Variants in VCL observed in about 807,000 individuals in gnomAD.
VCL encodes the protein vinculin, also known as epididymis luminal protein 114.
In VCL, 47 loss-of-function variants were observed where a neutral mutation model predicts 125.7. The observed-to-expected ratio is 0.37, with a 90% CI of 0.30 to 0.48. The LOEUF is 0.48. Ranked by LOEUF, VCL falls within the 20% of genes least tolerant of loss-of-function variation. VCL has a pLI of 0.99. For synonymous variants in VCL, 458 were observed against 514.6 expected (o/e 0.89, Z 1.49); for missense variants, 1,069 against 1,455.5 (o/e 0.73, Z 4.32).
At chr10:74,009,229 C>CT (rs1204993983) in intron 1 of VCL, among the ~76,000 whole-genome samples, 1 of 128,382 alleles carries the variant, frequency 7.8e-6, no homozygotes, top group African/African-American at 3.2e-5. Flanking sequence ...CCCCCCCCCC[C>CT]CGAGCCATTT....
chr10:74,110,642 T>C lies in VCL; in HGVS notation c.2746-1267T>C, dbSNP rs1201238568. On this transcript the variant is annotated intron_variant, in intron 18 of 21. Coordinates refer to ENST00000211998, the MANE Select transcript of VCL (RefSeq NM_014000.3). ...AGAGTTTAGATGGTATCTGAACCCC[T>C]TGTTGGCCCTGAATCCTCCAACATC... Among the ~76,000 whole-genome samples, 5 of 152,222 alleles carry C rather than the reference T, an allele frequency of 3.3e-5. No homozygotes were observed. In the East Asian group the frequency reaches 5.8e-4, roughly 18 times the overall value.
chr10:74,019,331 C>T (rs1482104209), intron 1 of VCL, among the ~76,000 whole-genome samples: 2 of 152,148 alleles, frequency 1.3e-5, no homozygotes, highest in Non-Finnish European at 2.9e-5. Flanking sequence ...TGGTTTGCTA[C>T]ACCTATCAAC....
At chr10:74,007,523 T>C (rs142124798) in intron 1 of VCL, among the ~76,000 whole-genome samples, 23 of 152,198 alleles carry the variant, frequency 1.5e-4, no homozygotes, top group African/African-American at 3.4e-4. Flanking sequence ...TGAGACGGAG[T>C]TTCGCTCTGT....
At chr10:74,025,427 A>G (rs1840752401) in intron 1 of VCL, among the ~76,000 whole-genome samples, 1 of 151,942 alleles carries the variant, frequency 6.6e-6, no homozygotes, top group Non-Finnish European at 1.5e-5. Flanking sequence ...CAGCCTAGGC[A>G]ACATGATGAA....
intron 2 of VCL, among the ~76,000 whole-genome samples, chr10:74,064,874 C>G (rs111578003): frequency 0.015 from 2,339 of 152,264 alleles, 29 homozygotes; most frequent in Non-Finnish European, 0.025. Context: ...ACCACATTTT[C>G]TACACAACTC....
chr10:74,046,086 G>A (rs1257455863), intron 2 of VCL, among the ~76,000 whole-genome samples: 1 of 152,120 alleles, frequency 6.6e-6, no homozygotes, highest in Non-Finnish European at 1.5e-5. Flanking sequence ...ATGTCTTCAT[G>A]TGTCAGGAAG....
chr10:74,110,059 A>G (rs1019361691), intron 18 of VCL, among the ~76,000 whole-genome samples: 24 of 152,056 alleles, frequency 1.6e-4, no homozygotes, highest in South Asian at 2.1e-4. Context: ...GGAAATTCAC[A>G]TTGGTTTTTA....
intron 1 of VCL, among the ~76,000 whole-genome samples, chr10:74,009,231 G>C (rs11593071): frequency 0.43 from 10,874 of 25,472 alleles, 1,280 homozygotes; most frequent in African/African-American, 0.48. Flanking sequence ...CCCCCCCCCC[G>C]AGCCATTTTA....
intron 1 of VCL, among the ~76,000 whole-genome samples, chr10:74,022,226 T>C (rs2136234298): frequency 6.6e-6 from 1 of 152,220 alleles, no homozygotes. Context: ...AAGATGAATA[T>C]TTTGAGACAC....
intron 2 of VCL, among the ~76,000 whole-genome samples, chr10:74,066,929 A>G (rs1226298705): frequency 6.6e-6 from 1 of 152,152 alleles, no homozygotes; most frequent in African/African-American, 2.4e-5. Flanking sequence ...TGGCCTCCCA[A>G]AGTGCTGGGA....
intron 1 of VCL, among the ~76,000 whole-genome samples, chr10:74,026,953 A>G (rs1840782174): frequency 6.6e-6 from 1 of 152,348 alleles, no homozygotes; most frequent in East Asian, 1.9e-4. Flanking sequence ...CATGGAGACA[A>G]TGTTACATGG....
intron 2 of VCL, among the ~76,000 whole-genome samples, chr10:74,055,530 ATT>A (rs969578047): frequency 7.0e-6 from 1 of 143,870 alleles, no homozygotes; most frequent in Non-Finnish European, 1.5e-5. Flanking sequence ...GAAAAAAAAA[ATT>A]TTTTTTTTTT....
intron 2 of VCL, among the ~76,000 whole-genome samples, chr10:74,044,865 A>G (rs765287161): frequency 3.3e-5 from 5 of 152,166 alleles, no homozygotes; most frequent in Admixed American, 6.5e-5. Flanking sequence ...TTTATGCTAT[A>G]TGAGTTTCAT....
intron 17 of VCL, among the ~76,000 whole-genome samples, chr10:74,108,630 C>T (rs1184164768): frequency 1.3e-5 from 2 of 152,166 alleles, no homozygotes; most frequent in African/African-American, 2.4e-5. Context: ...TAGGCACATG[C>T]CACCATGCCC....
At chr10:74,017,462 T>C (rs2136231048) in intron 1 of VCL, among the ~76,000 whole-genome samples, 1 of 152,330 alleles carries the variant, frequency 6.6e-6, no homozygotes, top group Admixed American at 6.5e-5. Flanking sequence ...TTGTGAATAA[T>C]GCTGCTATTT....
In VCL at chr10:74,083,395, A is replaced by G; in HGVS notation, c.904A>G (p.Ile302Val). The G allele has an allele frequency of 6.2e-7, 1 of 1,614,130 alleles. No homozygotes were observed. The highest frequency in any genetic ancestry group is 8.5e-7 in the Non-Finnish European group (1 of 1,179,984). The change falls in exon 8 of 22, where the codon ATC becomes GTC. Residue 302 changes from isoleucine (I) to valine (V), a missense_variant. Transcript: ENST00000211998. ...GDAGEQAIRQ[I>V]LDEAGKVGEL... The stretch of plus-strand genomic sequence containing the variant: ...TGCTGGTGAGCAGGCCATCAGACAG[A>G]TCTTAGATGAAGCTGGAAAAGTTGG...
intron 10 of VCL, 149 bp downstream of exon 10, chr10:74,090,347 T>G (rs1031342121): frequency 1.2e-6 from 1 of 850,626 alleles, no homozygotes; most frequent in African/African-American, 1.7e-5. Context: ...TCCACTATAT[T>G]CTCATTAATT....
rs1214510404 is a variant in VCL at position 74,118,669 on chromosome 10, C to T, written c.*500C>T. ...TTGCTGCCAACCATACCTTCCTTCC[C>T]TGGGCTGTGCTACCTGGGTCCTTTT... On this transcript the variant is annotated 3_prime_UTR_variant, in exon 22 of 22. Transcript: ENST00000211998. The T allele has an allele frequency of 4.4e-6, 1 of 228,884 alleles. No homozygotes were observed. Among genetic ancestry groups the T allele is most frequent in the Non-Finnish European group, 8.8e-6 (1 of 113,614 alleles). 14.2% of individuals were successfully genotyped at this position (228,884 alleles called of 1,614,324 possible).
At chr10:74,028,947 T>A (rs898915019) in intron 1 of VCL, among the ~76,000 whole-genome samples, 5 of 151,510 alleles carry the variant, frequency 3.3e-5, no homozygotes. Context: ...GCCCCTGGAG[T>A]AGTTGGGACT....
Sources: allele counts gnomAD v4.1 joint callset (sites outside exome capture counted in the v4.1 genomes callset), GRCh38; gene constraint gnomAD v4.1.1; transcripts MANE v1.5; gene names NCBI Gene and HGNC (gene_info 2026-07-23, HGNC 2026-07-21).